NCAM2: variants seen among roughly 807,000 people sequenced by gnomAD.
NCAM2 encodes the protein N-CAM-2.
A neutral mutation model predicts 98.1 loss-of-function variants in NCAM2; 30 were observed. That is an observed-to-expected ratio of 0.31 (90% CI 0.23 to 0.41). The LOEUF (loss-of-function observed/expected upper bound fraction) is 0.41, where lower values mean the gene tolerates loss of function less well. Among genes scored for constraint, NCAM2 ranks in the 10% least tolerant of loss-of-function variants. NCAM2 has a pLI of 1.00. For missense variants in NCAM2, 867 were observed against 1,005.8 expected (o/e 0.86, Z 1.87); for synonymous variants, 368 against 342.4 (o/e 1.07, Z -0.83).
At chr21:21,467,428 T>TATATATATATATCTTTATATATATATA (rs1555902035) in intron 13 of NCAM2, among the ~76,000 whole-genome samples, 96 of 140,722 alleles carry the variant, frequency 6.8e-4, no homozygotes, top group African/African-American at 2.6e-3. Flanking sequence ...ATATATCTTT[T>TATATATATATATCTTTATATATATATA]TATATATATA....
intron 1 of NCAM2, among the ~76,000 whole-genome samples, chr21:21,000,825 T>C (rs933064081): frequency 1.3e-5 from 2 of 152,198 alleles, no homozygotes; most frequent in African/African-American, 4.8e-5. Flanking sequence ...CCAATTCCTC[T>C]ATGCTAGTGT....
At chr21:21,308,343 G>A (rs2073946067) in intron 5 of NCAM2, among the ~76,000 whole-genome samples, 1 of 152,024 alleles carries the variant, frequency 6.6e-6, no homozygotes, top group African/African-American at 2.4e-5. Context: ...CTGTATGTCT[G>A]AGAAAACCTT....
chr21:21,259,690 C>T (rs893693140), intron 1 of NCAM2, among the ~76,000 whole-genome samples: 9 of 152,020 alleles, frequency 5.9e-5, no homozygotes, highest in Admixed American at 5.9e-4. Flanking sequence ...CTCAGCCCAG[C>T]AGGACATAGT....
intron 1 of NCAM2, among the ~76,000 whole-genome samples, chr21:21,220,740 C>A (rs370645294): frequency 3.3e-5 from 5 of 152,208 alleles, no homozygotes; most frequent in South Asian, 2.1e-4. Flanking sequence ...TTCTTATTAT[C>A]GTAGAATGTA....
intron 10 of NCAM2, among the ~76,000 whole-genome samples, chr21:21,415,996 T>C (rs2076987317): frequency 6.6e-6 from 1 of 152,208 alleles, no homozygotes; most frequent in African/African-American, 2.4e-5. Context: ...TCTTCACATT[T>C]ACCACTTGGC....
intron 9 of NCAM2, among the ~76,000 whole-genome samples, chr21:21,380,786 C>T (rs74705736): frequency 0.018 from 2,703 of 152,232 alleles, 80 homozygotes; most frequent in African/African-American, 0.062. Context: ...TTACCTTGGT[C>T]GCAGCTGGTA....
At chr21:21,068,314 A>G (rs1050631418) in intron 1 of NCAM2, among the ~76,000 whole-genome samples, 3 of 150,814 alleles carry the variant, frequency 2.0e-5, no homozygotes, top group Admixed American at 1.3e-4. Context: ...TTGTATTTTT[A>G]GTACAGACTG....
chr21:21,280,758 A>G (rs556370385), intron 2 of NCAM2, 106 bp downstream of exon 2: 1 of 696,248 alleles, frequency 1.4e-6, no homozygotes, highest in East Asian at 3.1e-5. Flanking sequence ...TCTAACAATA[A>G]CATCTTACAG....
chr21:21,433,358 G>A (rs574362316), intron 12 of NCAM2, among the ~76,000 whole-genome samples: 1 of 152,184 alleles, frequency 6.6e-6, no homozygotes, highest in East Asian at 1.9e-4. Context: ...TGAGTGAGAC[G>A]AAGGACTATA....
chr21:21,536,476 C>T (rs923137379), intron 17 of NCAM2, among the ~76,000 whole-genome samples: 1 of 151,592 alleles, frequency 6.6e-6, no homozygotes, highest in African/African-American at 2.4e-5. Flanking sequence ...ACCTCAACCT[C>T]CGCCTCCCAG....
chr21:21,053,553 T>C (rs558572309), intron 1 of NCAM2, among the ~76,000 whole-genome samples: 1 of 151,508 alleles, frequency 6.6e-6, no homozygotes, highest in Non-Finnish European at 1.5e-5. Context: ...AAATTAATTG[T>C]TTTAATTTTT....
At chr21:21,514,613 T>C (rs1214482481) in intron 16 of NCAM2, among the ~76,000 whole-genome samples, 2 of 152,180 alleles carry the variant, frequency 1.3e-5, no homozygotes, top group African/African-American at 4.8e-5. Flanking sequence ...CCCTCTATAT[T>C]TTCCACTAAA....
intron 1 of NCAM2, among the ~76,000 whole-genome samples, chr21:21,100,382 C>T (rs1435939769): frequency 9.9e-5 from 15 of 151,682 alleles, no homozygotes. Flanking sequence ...TGTCAGTGAC[C>T]CCCCAAAAGC....
At chr21:21,384,195 G>T (rs1033584372) in intron 9 of NCAM2, among the ~76,000 whole-genome samples, 1 of 151,902 alleles carries the variant, frequency 6.6e-6, no homozygotes, top group Non-Finnish European at 1.5e-5. Context: ...CATATAGAAT[G>T]AATTTCACAT....
At chr21:21,120,719 G>GTTTTTTTT (rs56905252) in intron 1 of NCAM2, among the ~76,000 whole-genome samples, 1 of 142,250 alleles carries the variant, frequency 7.0e-6, no homozygotes, top group Non-Finnish European at 1.5e-5. Flanking sequence ...TTTTTTGTGG[G>GTTTTTTTT]TTTTTTTTTT....
chr21:21,398,469 A>G (rs926649412), intron 9 of NCAM2, among the ~76,000 whole-genome samples: 1 of 152,226 alleles, frequency 6.6e-6, no homozygotes, highest in African/African-American at 2.4e-5. Flanking sequence ...TGAGACAGCT[A>G]GTACAAAGCA....
chr21:21,299,513 G>C (rs2073628449), intron 5 of NCAM2, among the ~76,000 whole-genome samples: 1 of 151,628 alleles, frequency 6.6e-6, no homozygotes, highest in Admixed American at 6.6e-5. Context: ...ATGCAGATAT[G>C]CTTAATTTCT....
chr21:21,380,686 T>G (rs1400543408), intron 9 of NCAM2, among the ~76,000 whole-genome samples: 1 of 152,186 alleles, frequency 6.6e-6, no homozygotes, highest in Non-Finnish European at 1.5e-5. Context: ...TCTTTTTTCT[T>G]CTTCACAAGT....
At chr21:21,174,418 T>C (rs554420801) in intron 1 of NCAM2, among the ~76,000 whole-genome samples, 2 of 152,312 alleles carry the variant, frequency 1.3e-5, no homozygotes, top group African/African-American at 4.8e-5. Context: ...GGAAAAAATA[T>C]TAGTTTTTAT....
Sources: allele counts gnomAD v4.1 joint callset (sites outside exome capture counted in the v4.1 genomes callset), GRCh38; gene constraint gnomAD v4.1.1; transcripts MANE v1.5; gene names NCBI Gene and HGNC (gene_info 2026-07-23, HGNC 2026-07-21).